The following ANGPTL1 variants were observed in gnomAD, a reference collection of about 807,000 sequenced individuals.
ANGPTL1 encodes angiopoietin like 1.
In ANGPTL1, 36 loss-of-function variants were observed where a neutral mutation model predicts 46.7. That is an observed-to-expected ratio of 0.77 (90% CI 0.59 to 1.02). The LOEUF (loss-of-function observed/expected upper bound fraction) is 1.02, where lower values mean the gene tolerates loss of function less well. ANGPTL1 is among the 50% of genes least tolerant of loss of function. The pLI, the probability that ANGPTL1 is intolerant of heterozygous loss-of-function variation, is 0.00. For missense variants in ANGPTL1, 571 were observed against 594.7 expected, an observed-to-expected ratio of 0.96 and a Z score of 0.41; for synonymous variants, 221 against 204.3, an observed-to-expected ratio of 1.08 and a Z score of -0.69.
At chr1:178,860,645 A>C (rs971152657) in intron 3 of ANGPTL1, among the ~76,000 whole-genome samples, 2 of 152,196 alleles carry the variant, frequency 1.3e-5, no homozygotes, top group Non-Finnish European at 2.9e-5. Context: ...CTTTCTGTCT[A>C]TGAATTTGAC....
In ANGPTL1 at chr1:178,867,083, A is replaced by G. The variant is rs936906935; in HGVS notation, c.-26-1281T>C. ...ACCCTAAGACAGAGCTTTTCTGTCC[A>G]AATTTCCACATAAGTACCTGTTTCT... On this transcript the variant is annotated intron_variant, in intron 2 of 5. Transcript: ENST00000234816. Among the ~76,000 whole-genome samples the G allele has an allele frequency of 2.6e-5, 4 of 152,258 alleles. No individual in the cohort carries two copies. The South Asian group carries it at 6.2e-4, about 24-fold the overall frequency.
chr1:178,857,022 A>G (rs973993295), intron 3 of ANGPTL1, among the ~76,000 whole-genome samples: 3 of 152,196 alleles, frequency 2.0e-5, no homozygotes, highest in African/African-American at 7.2e-5. Context: ...CATATGGGCT[A>G]CTTCACATTA....
chr1:178,858,499 A>G (rs1411637577), intron 3 of ANGPTL1, among the ~76,000 whole-genome samples: 2 of 152,184 alleles, frequency 1.3e-5, no homozygotes, highest in Non-Finnish European at 2.9e-5. Context: ...TTCAAAAGGT[A>G]TAAACTGGAA....
At chr1:178,864,587 G>T (rs1658254563) in intron 3 of ANGPTL1, among the ~76,000 whole-genome samples, 1 of 152,124 alleles carries the variant, frequency 6.6e-6, no homozygotes, top group South Asian at 2.1e-4. Context: ...GTAAATAAAA[G>T]AATTGTCGGG....
chr1:178,861,407 TACTA>T (rs1234786362), intron 3 of ANGPTL1, among the ~76,000 whole-genome samples: 1 of 151,926 alleles, frequency 6.6e-6, no homozygotes, highest in Non-Finnish European at 1.5e-5. Context: ...ACTTTTGACA[TACTA>T]AATCCCTAAT....
At chr1:178,856,324 C>G (rs1382294040) in intron 3 of ANGPTL1, among the ~76,000 whole-genome samples, 1 of 143,932 alleles carries the variant, frequency 6.9e-6, no homozygotes, top group Non-Finnish European at 1.5e-5. Flanking sequence ...AACTTCTGGG[C>G]TCAAGTGATC....
intron 3 of ANGPTL1, 33 bp from the exon 4 acceptor site, chr1:178,853,820 C>G: frequency 2.0e-6 from 3 of 1,493,750 alleles, no homozygotes; most frequent in Non-Finnish European, 2.7e-6. Context: ...TATCAGCAAA[C>G]TTAATATGAG....
intron 4 of ANGPTL1, 127 bp downstream of exon 4, chr1:178,853,467 A>G (rs1657316214): frequency 2.3e-6 from 2 of 857,606 alleles, no homozygotes; most frequent in South Asian, 5.4e-5. Flanking sequence ...ACAGATGTAG[A>G]TAATGAAAAA....
intron 2 of ANGPTL1, among the ~76,000 whole-genome samples, chr1:178,866,171 C>T (rs972592871): frequency 6.6e-6 from 1 of 152,040 alleles, no homozygotes; most frequent in African/African-American, 2.4e-5. Flanking sequence ...AAGCTCACTG[C>T]CTTAAGACTA....
chr1:178,860,765 G>A (rs1012331094), intron 3 of ANGPTL1, among the ~76,000 whole-genome samples: 2 of 152,028 alleles, frequency 1.3e-5, no homozygotes, highest in African/African-American at 4.8e-5. Context: ...TATGCATGTG[G>A]AGACTTTAGA....
chr1:178,856,554 G>C (rs1008872722), intron 3 of ANGPTL1, among the ~76,000 whole-genome samples: 1 of 151,000 alleles, frequency 6.6e-6, no homozygotes. Context: ...ACTCCACCCA[G>C]CCTTTACATT....
In ANGPTL1 at chr1:178,853,614, TGAA is replaced by T; in HGVS notation, c.994_996del (p.Phe332del). 1 of 1,596,628 alleles carries T rather than the reference TGAA, an allele frequency of 6.3e-7. No homozygotes were observed. Among genetic ancestry groups the T allele is most frequent in the Non-Finnish European group, 8.5e-7 (1 of 1,174,016 alleles). On this transcript the variant is annotated inframe_deletion, in exon 4 of 6. Transcript: ENST00000234816. Reference sequence around the variant, plus strand: ...TTTACCTTATAATTTTCCCAATTTCTGAAGAAGTTGACAGAGCCGTCTGTTCTT... The same window carrying T: ...TTTACCTTATAATTTTCCCAATTTCTGAAGTTGACAGAGCCGTCTGTTCTT...
rs71108081 is a variant in ANGPTL1 at position 178,856,394 on chromosome 1, ATTTTTTTTTT to A, written c.824-2617_824-2608del. On this transcript the variant is annotated intron_variant, in intron 3 of 5. Transcript: ENST00000234816. ...AGGCAAGTGCCACCCTGCCTGGCTA[ATTTTTTTTTT>A]TTTTTTTTTTTTTTTTTTTTTTGAG... Among the ~76,000 whole-genome samples the A allele has an allele frequency of 4.2e-3, 154 of 36,420 alleles. 4 individuals are homozygous for A. The highest frequency in any genetic ancestry group is 0.019 in the African/African-American group (133 of 6,854). 23.9% of individuals were successfully genotyped at this position (36,420 alleles called of 152,430 possible).
chr1:178,859,258 A>T (rs1657793847), intron 3 of ANGPTL1, among the ~76,000 whole-genome samples: 1 of 152,158 alleles, frequency 6.6e-6, no homozygotes, highest in Non-Finnish European at 1.5e-5. Context: ...TAGTATAAGT[A>T]TTCCATTGAA....
At chr1:178,863,420 G>C (rs919584783) in intron 3 of ANGPTL1, among the ~76,000 whole-genome samples, 1 of 152,148 alleles carries the variant, frequency 6.6e-6, no homozygotes, top group African/African-American at 2.4e-5. Flanking sequence ...ATATCATATA[G>C]AAAACATGTT....
At position 178,852,907 on chromosome 1, in the gene ANGPTL1, T is replaced by C. The variant is rs367915584; in HGVS notation, c.1064A>G (p.Asn355Ser). ...ATCTTGATTGCTAAGCATATAGATA[T>C]TTTCCAGTCCAAGCCAGTATTCTCC... ...IDGEYWLGLE[N>S]IYMLSNQDNY... The change falls in exon 5 of 6, where the codon AAT becomes AGT. Residue 355 changes from asparagine (N) to serine (S), a missense_variant. Physicochemically the swap from Asn to Ser is conservative, Grantham distance 46. Transcript: ENST00000234816. The C allele has an allele frequency of 1.2e-6, 2 of 1,613,594 alleles. No individual in the cohort carries two copies. Among genetic ancestry groups the C allele is most frequent in the African/African-American group, 1.3e-5 (1 of 74,906 alleles).
intron 3 of ANGPTL1, among the ~76,000 whole-genome samples, chr1:178,857,558 A>AT (rs761121593): frequency 2.4e-4 from 36 of 152,212 alleles, no homozygotes; most frequent in Non-Finnish European, 4.7e-4. Flanking sequence ...TCTGAGGAGC[A>AT]TTGCTCTTAC....
At chr1:178,868,102 A>G (rs892882473) in intron 2 of ANGPTL1, among the ~76,000 whole-genome samples, 3 of 151,952 alleles carry the variant, frequency 2.0e-5, no homozygotes, top group Non-Finnish European at 2.9e-5. Context: ...CAAAGCACAC[A>G]TGGGTATTTT....
Position 178,853,747 on chromosome 1 carries a change from A to G in ANGPTL1, c.864T>C (p.His288=), listed in dbSNP as rs1358532602. The change falls in exon 4 of 6, where the codon CAT becomes CAC. Residue 288 remains histidine, a synonymous_variant. Transcript: ENST00000234816. ...TAATCATATAAATCCCACTGACCGA[A>G]TGCCCAGCTTCTTTTGCTTGCTGAC... The part of the protein sequence containing the change: ...KDCQQAKEAG[H]SVSGIYMIKP... 8.7e-6 allele frequency: 14 copies of G among 1,603,438 alleles called. 1 individual carries two copies. In the South Asian group the frequency reaches 1.0e-4, roughly 12 times the overall value.
Sources: allele counts gnomAD v4.1 joint callset (sites outside exome capture counted in the v4.1 genomes callset), GRCh38; gene constraint gnomAD v4.1.1; transcripts MANE v1.5; gene names NCBI Gene and HGNC (gene_info 2026-07-23, HGNC 2026-07-21).